AP4S1: variants seen among roughly 807,000 people sequenced by gnomAD.
AP4S1 encodes the protein AP-4 complex subunit sigma-1.
AP4S1 carries 23 observed loss-of-function variants against 19.8 expected under a neutral mutation model. That is an observed-to-expected ratio of 1.16 (90% CI 0.84 to 1.65). The LOEUF (loss-of-function observed/expected upper bound fraction) is 1.65, where lower values mean the gene tolerates loss of function less well. AP4S1 is among the 40% of genes most tolerant of loss of function. The pLI is 0.00. For synonymous variants in AP4S1, 46 were observed against 54.1 expected, an observed-to-expected ratio of 0.85 and a Z score of 0.66; for missense variants, 166 against 172.8, an observed-to-expected ratio of 0.96 and a Z score of 0.22.
At chr14:31,070,787 C>G (rs1474961826) in intron 3 of AP4S1, among the ~76,000 whole-genome samples, 1 of 152,082 alleles carries the variant, frequency 6.6e-6, no homozygotes, top group Non-Finnish European at 1.5e-5. Context: ...GCGCGGTGGC[C>G]CATGCCTGAA....
chr14:31,078,397 T>A (rs1216805863), intron 4 of AP4S1, among the ~76,000 whole-genome samples: 1 of 152,192 alleles, frequency 6.6e-6, no homozygotes, highest in Non-Finnish European at 1.5e-5. Flanking sequence ...TTTACTTAAT[T>A]TAAATCTCCA....
rs548579087 is a variant in AP4S1, at chr14:31,045,022, C to A, written c.-72+19235C>A. The stretch of plus-strand genomic sequence containing the variant: ...GTTCAAGCAGTTCTCGTGCCTCAGC[C>A]CCCCAAGTAGCTGGGATTACAGGAG... On this transcript the variant is annotated intron_variant, in intron 1 of 5. Coordinates refer to ENST00000542754, the MANE Select transcript of AP4S1 (RefSeq NM_001128126.3). Among the ~76,000 whole-genome samples the A allele has an allele frequency of 3.9e-5, 6 of 151,958 alleles. No homozygotes were observed. In the East Asian group the frequency reaches 1.2e-3, roughly 30 times the overall value.
chr14:31,074,097 T>C (rs12886343), intron 4 of AP4S1, among the ~76,000 whole-genome samples: 133,591 of 151,514 alleles, frequency 0.88, 59,216 homozygotes, highest in African/African-American at 0.96. Flanking sequence ...GAGGCCGAGG[T>C]GGGTAGATCA....
chr14:31,055,484 T>TA lies in AP4S1; in HGVS notation c.-71-10641dup, dbSNP rs546436214. On this transcript the variant is annotated intron_variant, in intron 1 of 5. Transcript: ENST00000542754. ...CAACAACCTAGGAAGTGAGTACTGTTACTGTGGCCATTGTACAGAAGACTG... is the reference window on the plus strand; with the variant it reads ...CAACAACCTAGGAAGTGAGTACTGTTAACTGTGGCCATTGTACAGAAGACTG... Among the ~76,000 whole-genome samples the TA allele has an allele frequency of 6.0e-4, 91 of 152,306 alleles. 2 individuals carry two copies. The East Asian group carries it at 8.7e-3, about 15-fold the overall frequency.
chr14:31,034,609 AT>A (rs5807612), intron 1 of AP4S1, among the ~76,000 whole-genome samples: 9,686 of 103,944 alleles, frequency 0.093, 393 homozygotes, highest in East Asian at 0.2. Flanking sequence ...TTTGTACTTA[AT>A]TTTTTTTTTT....
At chr14:31,074,091 C>G (rs1427021752) in intron 4 of AP4S1, among the ~76,000 whole-genome samples, 4 of 151,702 alleles carry the variant, frequency 2.6e-5, no homozygotes, top group African/African-American at 9.7e-5. Flanking sequence ...CTTTGGGAGG[C>G]CGAGGTGGGT....
chr14:31,054,839 G>A (rs1438495774), intron 1 of AP4S1, among the ~76,000 whole-genome samples: 1 of 121,330 alleles, frequency 8.2e-6, no homozygotes, highest in South Asian at 2.8e-4. Context: ...CTACACTGTA[G>A]CCTGGGTGAT....
At chr14:31,032,386 C>T (rs1160580112) in intron 1 of AP4S1, among the ~76,000 whole-genome samples, 3 of 152,052 alleles carry the variant, frequency 2.0e-5, no homozygotes, top group Non-Finnish European at 4.4e-5. Flanking sequence ...TAAGGAATTC[C>T]AGGCTTTTAA....
At chr14:31,071,364 T>C (rs895664325) in intron 3 of AP4S1, among the ~76,000 whole-genome samples, 1 of 152,176 alleles carries the variant, frequency 6.6e-6, no homozygotes, top group African/African-American at 2.4e-5. Flanking sequence ...CTAAGAACTC[T>C]AAGTGCTAGA....
intron 5 of AP4S1, chr14:31,085,394 A>T (rs780474665): frequency 2.0e-5 from 20 of 988,818 alleles, no homozygotes; most frequent in Non-Finnish European, 2.4e-5. Context: ...TGGAGTCTCT[A>T]CTTTGTATTC....
intron 4 of AP4S1, among the ~76,000 whole-genome samples, chr14:31,077,743 T>TA: frequency 6.7e-6 from 1 of 150,100 alleles, no homozygotes; most frequent in East Asian, 1.9e-4. Flanking sequence ...TTTTTTCTTT[T>TA]TTTTTTTTTT....
At chr14:31,039,426 CT>C (rs1286688777) in intron 1 of AP4S1, among the ~76,000 whole-genome samples, 2 of 152,070 alleles carry the variant, frequency 1.3e-5, no homozygotes, top group African/African-American at 4.8e-5. Context: ...CTCAGGTGAT[CT>C]GCCCGCCTCG....
At chr14:31,064,023 G>C (rs1048134879) in intron 1 of AP4S1, among the ~76,000 whole-genome samples, 3 of 152,184 alleles carry the variant, frequency 2.0e-5, no homozygotes, top group African/African-American at 7.2e-5. Flanking sequence ...AGAAGGACTG[G>C]CCATTGATGA....
chr14:31,055,356 T>C (rs1886048193), intron 1 of AP4S1, among the ~76,000 whole-genome samples: 1 of 152,072 alleles, frequency 6.6e-6, no homozygotes, highest in Non-Finnish European at 1.5e-5. Flanking sequence ...AAAGACAACA[T>C]GTTATCATGA....
At chr14:31,025,629 G>A (rs1028963038), upstream of AP4S1, 4 of 513,100 alleles carry the variant, frequency 7.8e-6, no homozygotes, top group African/African-American at 8.0e-5. Flanking sequence ...CGCCTCCGGA[G>A]GAGCCCCCGC....
chr14:31,049,428 A>AAAAAAAAATATATAT (rs1384450221), intron 1 of AP4S1, among the ~76,000 whole-genome samples: 14 of 57,766 alleles, frequency 2.4e-4, no homozygotes, highest in Admixed American at 5.5e-4. Flanking sequence ...AAAAAAAAAA[A>AAAAAAAAATATATAT]ATATATATAT....
chr14:31,043,944 T>G (rs1885251552), intron 1 of AP4S1, among the ~76,000 whole-genome samples: 1 of 152,192 alleles, frequency 6.6e-6, no homozygotes, highest in South Asian at 2.1e-4. Context: ...CACATCCATT[T>G]TGAAAAACAG....
chr14:31,074,514 C>A (rs750439490), intron 4 of AP4S1, among the ~76,000 whole-genome samples: 1 of 151,934 alleles, frequency 6.6e-6, no homozygotes, highest in Non-Finnish European at 1.5e-5. Context: ...AAACCTGTTT[C>A]TACTAACCAT....
At position 31,025,783 on chromosome 14, in the gene AP4S1, C is replaced by T. The variant is rs939984758; in HGVS notation, c.-76C>T. 1.9e-4 allele frequency: 258 copies of T among 1,370,768 alleles called. No individual in the cohort carries two copies. Among genetic ancestry groups the T allele is most frequent in the Non-Finnish European group, 2.4e-4 (245 of 1,015,216 alleles). The allele number at this position is 1,370,768 out of a possible 1,614,324, so 84.9% of individuals were successfully genotyped here. On this transcript the variant is annotated 5_prime_UTR_variant, in exon 1 of 6. Transcript: ENST00000542754. ...GAGAGGACCATCACAACCTGAGCAG[C>T]ACAGGTAGGTTCCGCTCGGCCTCCC... is the stretch of plus-strand genomic sequence containing the variant.
Sources: gnomAD v4.1 joint callset for allele counts (sites outside exome capture counted in the v4.1 genomes callset) on GRCh38, gnomAD v4.1.1 for gene constraint, MANE v1.5 for transcripts, NCBI Gene and HGNC (gene_info 2026-07-23, HGNC 2026-07-21) for gene names.